Variants in HOOK3 observed in about 807,000 individuals in gnomAD.
HOOK3 encodes the protein protein Hook homolog 3.
In HOOK3, 24 loss-of-function variants were observed where a neutral mutation model predicts 116.3. That is an observed-to-expected ratio of 0.21 (90% CI 0.15 to 0.29). The LOEUF is 0.29. HOOK3 is among the 10% of genes least tolerant of loss of function. The pLI, the probability that HOOK3 is intolerant of heterozygous loss-of-function variation, is 1.00. For missense variants in HOOK3, 632 were observed against 830.2 expected, an observed-to-expected ratio of 0.76 and a Z score of 2.93; for synonymous variants, 275 against 283.0, an observed-to-expected ratio of 0.97 and a Z score of 0.28.
chr8:42,995,529 A>G (rs921724171), intron 15 of HOOK3, among the ~76,000 whole-genome samples: 2 of 152,092 alleles, frequency 1.3e-5, no homozygotes, highest in Non-Finnish European at 2.9e-5. Flanking sequence ...TTGATCCGCC[A>G]TGGGCCTTCT....
chr8:42,959,444 C>T (rs986790444), intron 8 of HOOK3, 130 bp downstream of exon 8: 45 of 598,392 alleles, frequency 7.5e-5, no homozygotes, highest in Middle Eastern at 5.3e-4. Context: ...AATGGCTGGG[C>T]GCAGTGGCTC....
chr8:43,018,929 CTG>C lies in HOOK3; in HGVS notation c.*435_*436del. ...ATTAATCTTTTTATGATGTATTAAT[CTG>C]TGTTTTCAATTGTTTTCCAAGTACA... On this transcript the variant is annotated 3_prime_UTR_variant, in exon 22 of 22. Coordinates refer to ENST00000307602, the MANE Select transcript of HOOK3 (RefSeq NM_032410.4). 4.6e-6 allele frequency: 1 copy of C among 219,208 alleles called. No individual in the cohort carries two copies. Among genetic ancestry groups the C allele is most frequent in the Non-Finnish European group, 9.2e-6 (1 of 109,184 alleles). 13.6% of individuals were successfully genotyped at this position (219,208 alleles called of 1,614,324 possible).
intron 4 of HOOK3, among the ~76,000 whole-genome samples, chr8:42,940,213 A>ACAGT (rs1294332379): frequency 6.6e-6 from 1 of 152,090 alleles, no homozygotes; most frequent in Non-Finnish European, 1.5e-5. Flanking sequence ...AGTGAACGAG[A>ACAGT]CTCCGTCTGC....
At chr8:42,904,341 G>A (rs1289286217) in intron 1 of HOOK3, among the ~76,000 whole-genome samples, 5 of 132,490 alleles carry the variant, frequency 3.8e-5, no homozygotes, top group African/African-American at 1.5e-4. Context: ...ACGGAGTCTC[G>A]CTCTGTCGCC....
intron 1 of HOOK3, among the ~76,000 whole-genome samples, chr8:42,901,350 T>C (rs910263365): frequency 2.6e-5 from 4 of 152,200 alleles, no homozygotes; most frequent in African/African-American, 7.2e-5. Flanking sequence ...TATCCTGAAA[T>C]AGATGTTAGC....
At chr8:42,902,276 CTT>C (rs879696564) in intron 1 of HOOK3, among the ~76,000 whole-genome samples, 10 of 143,624 alleles carry the variant, frequency 7.0e-5, no homozygotes, top group East Asian at 2.0e-4. Context: ...CTCTCTCTCT[CTT>C]TTTTTTTTTT....
intron 18 of HOOK3, 27 bp from the exon 19 acceptor site, chr8:43,010,278 A>G (rs1478918169): frequency 1.2e-5 from 7 of 566,250 alleles, no homozygotes; most frequent in Admixed American, 4.5e-5. Context: ...ATCTAAATAT[A>G]TATATTTTAC....
At chr8:43,009,978 ATAAC>A (rs1192298042) in intron 18 of HOOK3, among the ~76,000 whole-genome samples, 1 of 152,014 alleles carries the variant, frequency 6.6e-6, no homozygotes, top group Non-Finnish European at 1.5e-5. Context: ...AGCATGTGTC[ATAAC>A]TAAGGCTGAA....
intron 4 of HOOK3, among the ~76,000 whole-genome samples, chr8:42,939,309 C>T (rs1428541944): frequency 2.0e-5 from 3 of 151,886 alleles, no homozygotes; most frequent in Admixed American, 2.0e-4. Context: ...CAGAGGCGCC[C>T]CTCACCTCCC....
chr8:43,004,149 T>G (rs1175395174), intron 17 of HOOK3, among the ~76,000 whole-genome samples: 1 of 150,580 alleles, frequency 6.6e-6, no homozygotes, highest in East Asian at 2.0e-4. Context: ...GGTCAATCAC[T>G]TGAGGTCAGG....
At chr8:42,912,387 A>G (rs1203679749) in intron 2 of HOOK3, among the ~76,000 whole-genome samples, 2 of 152,252 alleles carry the variant, frequency 1.3e-5, no homozygotes, top group Middle Eastern at 3.4e-3. Context: ...AGATTCATTC[A>G]TGTCTCCTAC....
intron 11 of HOOK3, among the ~76,000 whole-genome samples, chr8:42,972,504 TG>T (rs1039931044): frequency 5.1e-4 from 78 of 152,294 alleles, no homozygotes; most frequent in African/African-American, 1.8e-3. Flanking sequence ...CTTGAACTCC[TG>T]GGCTCAAGTG....
intron 11 of HOOK3, 83 bp from the exon 12 acceptor site, chr8:42,973,206 G>C: frequency 1.4e-6 from 2 of 1,450,836 alleles, no homozygotes; most frequent in Non-Finnish European, 1.8e-6. Context: ...AGAGATTTTG[G>C]TTTTCTTAAA....
At chr8:43,012,620 G>A (rs377743994) in intron 19 of HOOK3, among the ~76,000 whole-genome samples, 1 of 151,940 alleles carries the variant, frequency 6.6e-6, no homozygotes. Context: ...ATTTTTTTTA[G>A]ACAGATTCTT....
At chr8:42,955,761 A>T (rs1025003567) in intron 6 of HOOK3, among the ~76,000 whole-genome samples, 1 of 152,172 alleles carries the variant, frequency 6.6e-6, no homozygotes, top group African/African-American at 2.4e-5. Flanking sequence ...GATAAAATTT[A>T]ATGAGAGGCC....
chr8:42,917,877 A>G (rs1003768476), intron 2 of HOOK3, among the ~76,000 whole-genome samples: 7 of 152,170 alleles, frequency 4.6e-5, no homozygotes, highest in Admixed American at 1.3e-4. Flanking sequence ...TTCATTATGG[A>G]TGTGAAATTT....
chr8:42,928,756 A>G (rs1807818150), intron 3 of HOOK3, among the ~76,000 whole-genome samples: 1 of 152,128 alleles, frequency 6.6e-6, no homozygotes, highest in Non-Finnish European at 1.5e-5. Flanking sequence ...AAGACAAGAT[A>G]TACGACCGGG....
In HOOK3 at chr8:43,024,478, A is replaced by G. The variant is rs1464143883; in HGVS notation, c.*5980A>G. 5.4e-6 allele frequency: 1 copy of G among 186,430 alleles called. No individual in the cohort carries two copies. The highest frequency in any genetic ancestry group is 6.2e-5 in the Admixed American group (1 of 16,104). 11.5% of individuals were successfully genotyped at this position (186,430 alleles called of 1,614,324 possible). On this transcript the variant is annotated 3_prime_UTR_variant, in exon 22 of 22. Transcript: ENST00000307602. Reference sequence around the variant, plus strand: ...AATAAGGATAATCTCTCTTCCTATCATTCTGTCAAAATGGCAGTTTCTTTT... The same window carrying G: ...AATAAGGATAATCTCTCTTCCTATCGTTCTGTCAAAATGGCAGTTTCTTTT...
At chr8:42,939,386 G>A (rs1183604251) in intron 4 of HOOK3, among the ~76,000 whole-genome samples, 31 of 150,440 alleles carry the variant, frequency 2.1e-4, no homozygotes, top group African/African-American at 6.3e-4. Flanking sequence ...GCGGCTGGCC[G>A]GGCGGGGGGC....
Sources: allele counts gnomAD v4.1 joint callset (sites outside exome capture counted in the v4.1 genomes callset), GRCh38; gene constraint gnomAD v4.1.1; transcripts MANE v1.5; gene names NCBI Gene and HGNC (gene_info 2026-07-23, HGNC 2026-07-21).